Variants in MICAL3 observed in about 807,000 individuals in gnomAD.
The protein encoded by MICAL3 is microtubule associated monooxygenase, calponin and LIM domain containing 3, also known as [F-actin]-monooxygenase MICAL3.
MICAL3 carries 62 observed loss-of-function variants against 207.4 expected under a neutral mutation model. That is an observed-to-expected ratio of 0.30 (90% CI 0.24 to 0.37). The LOEUF is 0.37. Ranked by LOEUF, MICAL3 falls within the 10% of genes least tolerant of loss-of-function variation. The pLI, the probability that MICAL3 is intolerant of heterozygous loss-of-function variation, is 1.00. For synonymous variants in MICAL3, 1,077 were observed against 1,069.3 expected (o/e 1.01, Z -0.14); for missense variants, 2,368 against 2,635.6 (o/e 0.90, Z 2.22).
chr22:17,979,987 CCTAA>C lies in MICAL3; in HGVS notation c.-75+44290_-75+44293del, dbSNP rs563737793. ...GGGACTGTTGGCACATGCCACCACA[CCTAA>C]CTAATATTTTAATTTTGTATAGAAA... On this transcript the variant is annotated intron_variant, in intron 1 of 31. Transcript: ENST00000441493. 3.4e-3 allele frequency among the ~76,000 whole-genome samples: 518 copies of C among 152,224 alleles called. 3 individuals are homozygous for C. The highest frequency in any genetic ancestry group is 0.012 in the African/African-American group (492 of 41,534).
chr22:17,847,737 T>C (rs1441815286), intron 19 of MICAL3, among the ~76,000 whole-genome samples: 1 of 152,236 alleles, frequency 6.6e-6, no homozygotes, highest in Admixed American at 6.5e-5. Context: ...AAGTAGTCCC[T>C]CTCATTCCTA....
chr22:18,000,189 G>A (rs1428871470), intron 1 of MICAL3, among the ~76,000 whole-genome samples: 6 of 151,690 alleles, frequency 4.0e-5, no homozygotes, highest in African/African-American at 1.5e-4. Flanking sequence ...CACATTGGTG[G>A]CCTGATATTC....
At chr22:17,855,958 A>T (rs866563515) in intron 19 of MICAL3, among the ~76,000 whole-genome samples, 20 of 152,340 alleles carry the variant, frequency 1.3e-4, no homozygotes, top group African/African-American at 4.3e-4. Context: ...CTCTGAGTTT[A>T]TTGGTTACGT....
chr22:17,809,296 G>A (rs2062019036), intron 28 of MICAL3, among the ~76,000 whole-genome samples: 1 of 152,204 alleles, frequency 6.6e-6, no homozygotes, highest in Admixed American at 6.5e-5. Context: ...AGTGCTGGAG[G>A]GGGTTCCTGA....
At chr22:17,939,579 GCT>G (rs1178911722) in intron 1 of MICAL3, among the ~76,000 whole-genome samples, 15 of 152,204 alleles carry the variant, frequency 9.9e-5, no homozygotes, top group African/African-American at 2.7e-4. Flanking sequence ...CACATGAAGG[GCT>G]CTGACTCAAC....
intron 21 of MICAL3, among the ~76,000 whole-genome samples, chr22:17,829,444 C>T (rs1215395619): frequency 6.6e-6 from 1 of 152,214 alleles, no homozygotes; most frequent in African/African-American, 2.4e-5. Flanking sequence ...GCTGGGATTA[C>T]AGGCATGAGC....
chr22:18,008,032 G>C (rs1309524620), intron 1 of MICAL3, among the ~76,000 whole-genome samples: 1 of 151,478 alleles, frequency 6.6e-6, no homozygotes, highest in East Asian at 1.9e-4. Context: ...CTTGAGGTCA[G>C]GAGTTCGAGA....
At chr22:17,922,610 G>A (rs1932827232) in intron 1 of MICAL3, among the ~76,000 whole-genome samples, 1 of 152,166 alleles carries the variant, frequency 6.6e-6, no homozygotes, top group South Asian at 2.1e-4. Context: ...TGGCTGAAGG[G>A]AAGACTCATG....
chr22:17,819,262 A>C, intron 25 of MICAL3, 133 bp from the exon 26 acceptor site: 2 of 903,440 alleles, frequency 2.2e-6, no homozygotes, highest in Non-Finnish European at 3.0e-6. Flanking sequence ...TCCAGCTGTT[A>C]TTAGAACAGC....
At chr22:17,999,710 T>C (rs1208630846) in intron 1 of MICAL3, among the ~76,000 whole-genome samples, 1 of 152,202 alleles carries the variant, frequency 6.6e-6, no homozygotes, top group Admixed American at 6.5e-5. Flanking sequence ...ACGTTTCAAA[T>C]GTTAGCGCTG....
chr22:17,791,585 C>T (rs2061825269), intron 29 of MICAL3: 1 of 500,036 alleles, frequency 2.0e-6, no homozygotes, highest in Non-Finnish European at 3.6e-6. Context: ...GCTCTGTGTG[C>T]TCTCTTAGGA....
intron 25 of MICAL3, among the ~76,000 whole-genome samples, chr22:17,820,394 G>A (rs5992859): frequency 1.3e-5 from 2 of 152,076 alleles, no homozygotes; most frequent in Admixed American, 6.5e-5. Flanking sequence ...TCGCTCTGTC[G>A]CCCAGGCTGG....
intron 1 of MICAL3, among the ~76,000 whole-genome samples, chr22:18,000,408 G>A (rs1922811782): frequency 6.6e-6 from 1 of 152,242 alleles, no homozygotes; most frequent in Non-Finnish European, 1.5e-5. Flanking sequence ...TTCAGAGTCA[G>A]GAAGACCAGC....
chr22:17,859,709 G>A (rs961759525), intron 19 of MICAL3, among the ~76,000 whole-genome samples: 1 of 152,282 alleles, frequency 6.6e-6, no homozygotes, highest in Non-Finnish European at 1.5e-5. Context: ...GCCTCCAGGC[G>A]GAAGACAGAC....
intron 2 of MICAL3, among the ~76,000 whole-genome samples, chr22:17,905,297 C>T (rs1013758572): frequency 1.8e-4 from 27 of 152,132 alleles, no homozygotes; most frequent in African/African-American, 6.0e-4. Context: ...GAGTCTACCA[C>T]ACACATGATT....
rs1202790806 is a variant in MICAL3 at position 17,793,803 on chromosome 22, G to C, written c.5651-2502C>G. 1 of 152,456 alleles carries C rather than the reference G, an allele frequency of 6.6e-6. No homozygotes were observed. The highest frequency in any genetic ancestry group is 6.6e-5 in the Admixed American group (1 of 15,260). The allele number at this position is 152,456 out of a possible 1,614,324, so 9.4% of individuals were successfully genotyped here. A position where few individuals can be genotyped will look rare whatever the true frequency, so the allele number is the denominator to read the frequency against. ...CCCGCCACTGGGCTCAACTTCAAAA[G>C]GGACCAAGCAAGGAAGAGGAGGAGA... is the stretch of plus-strand genomic sequence containing the variant. On this transcript the variant is annotated intron_variant, in intron 29 of 31. Coordinates refer to ENST00000441493, the MANE Select transcript of MICAL3 (RefSeq NM_015241.3). The surrounding 1 kb of genome is among the most constrained non-coding windows in gnomAD (Gnocchi z 4.1).
chr22:17,948,799 G>A (rs1037624008), intron 1 of MICAL3, among the ~76,000 whole-genome samples: 2 of 151,932 alleles, frequency 1.3e-5, no homozygotes, highest in Non-Finnish European at 2.9e-5. Flanking sequence ...TGTAGTCCCA[G>A]CTACTTGGGA....
At chr22:17,812,706 C>A in intron 27 of MICAL3, 1 of 234,758 alleles carries the variant, frequency 4.3e-6, no homozygotes, top group Non-Finnish European at 7.0e-6. Context: ...TTATTTTTCA[C>A]GAAGTCACAC....
rs759502886 is a variant in MICAL3 at position 17,881,264 on chromosome 22, C to T, written c.2241+4614G>A. The T allele has an allele frequency of 6.8e-6, 11 of 1,611,646 alleles. No homozygotes were observed. The South Asian group carries it at 1.1e-4, about 16-fold the overall frequency. On this transcript the variant is annotated intron_variant, in intron 16 of 31. Coordinates refer to ENST00000441493, the MANE Select transcript of MICAL3 (RefSeq NM_015241.3). ...GTAGGGGGAGGAGACAGGGTGATCA[C>T]TTTTTTGGGGCAGGTCCGAGAACAC...
Sources: allele counts gnomAD v4.1 joint callset (sites outside exome capture counted in the v4.1 genomes callset), GRCh38; gene constraint gnomAD v4.1.1; non-coding constraint Gnocchi (gnomAD v3.1); transcripts MANE v1.5; gene names NCBI Gene and HGNC (gene_info 2026-07-23, HGNC 2026-07-21).